The following KIAA1217 variants were observed in gnomAD, a reference collection of about 807,000 sequenced individuals.
The protein encoded by KIAA1217 is KIAA1217.
A neutral mutation model predicts 163.9 loss-of-function variants in KIAA1217; 88 were observed. The ratio of observed to expected loss-of-function variants is 0.54; its 90% CI spans 0.45 to 0.64. The LOEUF (loss-of-function observed/expected upper bound fraction) is 0.64. Ranked by LOEUF, KIAA1217 falls within the 30% of genes least tolerant of loss-of-function variation. The pLI is 0.00. For synonymous variants in KIAA1217, 903 were observed against 923.1 expected (o/e 0.98, Z 0.39); for missense variants, 2,372 against 2,475.0 (o/e 0.96, Z 0.88).
intron 1 of KIAA1217, among the ~76,000 whole-genome samples, chr10:23,941,215 ATAT>A (rs907495848): frequency 6.6e-6 from 1 of 152,236 alleles, no homozygotes; most frequent in African/African-American, 2.4e-5. Flanking sequence ...AATTTTTAAA[ATAT>A]TATCTACAGA....
chr10:24,265,640 T>A (rs1285483446), intron 2 of KIAA1217, among the ~76,000 whole-genome samples: 1 of 152,108 alleles, frequency 6.6e-6, no homozygotes, highest in African/African-American at 2.4e-5. Flanking sequence ...ATGTGGACAT[T>A]TTCTCTCTCC....
chr10:24,231,218 G>C lies in KIAA1217; in HGVS notation c.354+11309G>C, dbSNP rs574482969. On this transcript the variant is annotated intron_variant, in intron 2 of 20. Coordinates refer to ENST00000376454, the MANE Select transcript of KIAA1217 (RefSeq NM_019590.5). ...TCCCAGCTACTTGGGAGGCTGAGCT[G>C]GGGGGATCATCCATGCCCAGAGGTC... Among the ~76,000 whole-genome samples the C allele has an allele frequency of 7.9e-5, 12 of 152,246 alleles. No individual in the cohort carries two copies. The South Asian group carries it at 2.5e-3, about 32-fold the overall frequency.
chr10:24,361,795 G>T (rs2050043299), intron 2 of KIAA1217, among the ~76,000 whole-genome samples: 1 of 151,972 alleles, frequency 6.6e-6, no homozygotes, highest in African/African-American at 2.4e-5. Flanking sequence ...CTAACATGGT[G>T]AAACCCCGTC....
intron 2 of KIAA1217, among the ~76,000 whole-genome samples, chr10:24,028,002 G>A (rs1364576695): frequency 4.6e-5 from 7 of 152,082 alleles, no homozygotes; most frequent in Admixed American, 3.3e-4. Context: ...AGGTAATGAT[G>A]AGGAATACAT....
chr10:24,031,456 C>T (rs527661353), intron 2 of KIAA1217, among the ~76,000 whole-genome samples: 2 of 152,194 alleles, frequency 1.3e-5, no homozygotes, highest in South Asian at 2.1e-4. Context: ...TATGCCACCA[C>T]ATCCAGCTAA....
At chr10:24,374,463 TAAAAAC>T (rs2052168577) in intron 2 of KIAA1217, among the ~76,000 whole-genome samples, 1 of 152,186 alleles carries the variant, frequency 6.6e-6, no homozygotes, top group Non-Finnish European at 1.5e-5. Flanking sequence ...AGGTTTCTAT[TAAAAAC>T]AAAAGCTGCT....
chr10:24,113,053 AC>A (rs2062917828), intron 2 of KIAA1217, among the ~76,000 whole-genome samples: 1 of 152,132 alleles, frequency 6.6e-6, no homozygotes. Flanking sequence ...GGAGGAACCT[AC>A]CATGACACAC....
At chr10:24,224,972 G>A (rs549901684) in intron 2 of KIAA1217, among the ~76,000 whole-genome samples, 49 of 151,644 alleles carry the variant, frequency 3.2e-4, no homozygotes, top group African/African-American at 8.0e-4. Context: ...GACTACAGGC[G>A]CCCACCACCA....
intron 1 of KIAA1217, among the ~76,000 whole-genome samples, chr10:23,996,823 T>A (rs972570165): frequency 6.6e-6 from 1 of 152,114 alleles, no homozygotes; most frequent in Non-Finnish European, 1.5e-5. Flanking sequence ...TTCAAAAGAA[T>A]GAAGAGAGAT....
intron 3 of KIAA1217, among the ~76,000 whole-genome samples, chr10:24,409,997 C>CTTTTTTTTT (rs71397947): frequency 1.0e-4 from 13 of 123,870 alleles, no homozygotes; most frequent in African/African-American, 2.5e-4. Flanking sequence ...TTTCTTTTTT[C>CTTTTTTTTT]TTTTTTTTTT....
chr10:24,167,284 CGTGTGTGT>C (rs35255558), intron 2 of KIAA1217, among the ~76,000 whole-genome samples: 3,053 of 148,282 alleles, frequency 0.021, 35 homozygotes, highest in Middle Eastern at 0.068. Context: ...TGTGTATGTG[CGTGTGTGT>C]GTGTGTGTGT....
Position 23,875,117 on chromosome 10 carries a change from T to C in KIAA1217, c.-320-132108T>C, listed in dbSNP as rs116812726. On this transcript the variant is annotated intron_variant, in intron 1 of 18. Coordinates refer to the KIAA1217 transcript ENST00000376462. The stretch of plus-strand genomic sequence containing the variant: ...TTACTGCAAGGAGGGCACCAAGCCA[T>C]TGATGAGGGATGAGCTTCCATGACC... Among the ~76,000 whole-genome samples, 773 of 152,106 alleles carry C rather than the reference T, an allele frequency of 5.1e-3. 7 individuals are homozygous for C. The highest frequency in any genetic ancestry group is 0.018 in the African/African-American group (751 of 41,526).
intron 1 of KIAA1217, among the ~76,000 whole-genome samples, chr10:23,886,357 G>C (rs1029143982): frequency 2.6e-5 from 4 of 151,902 alleles, no homozygotes; most frequent in African/African-American, 9.7e-5. Flanking sequence ...TGTCTCCAGT[G>C]TCCACGTATG....
At chr10:24,060,915 T>C (rs1019188703) in intron 2 of KIAA1217, among the ~76,000 whole-genome samples, 9 of 152,200 alleles carry the variant, frequency 5.9e-5, no homozygotes, top group African/African-American at 1.7e-4. Flanking sequence ...AGAATGTGTA[T>C]TCTGCTGCTA....
chr10:24,400,487 G>A (rs535157713), intron 3 of KIAA1217, among the ~76,000 whole-genome samples: 3 of 152,290 alleles, frequency 2.0e-5, no homozygotes, highest in African/African-American at 7.2e-5. Context: ...GATAAAGGGA[G>A]CATAACAAAT....
chr10:23,986,944 C>T (rs990071523), intron 1 of KIAA1217, among the ~76,000 whole-genome samples: 3 of 152,014 alleles, frequency 2.0e-5, no homozygotes, highest in Non-Finnish European at 2.9e-5. Context: ...ACCCTGAGTG[C>T]CCTGAGAAAT....
At chr10:24,194,819 TGGTCTCTC>T (rs1485746995) in intron 2 of KIAA1217, among the ~76,000 whole-genome samples, 3 of 146,062 alleles carry the variant, frequency 2.1e-5, no homozygotes, top group Non-Finnish European at 3.0e-5. Flanking sequence ...TTAGTCAGGC[TGGTCTCTC>T]AAACTCCTGA....
chr10:23,778,213 T>C (rs961210438), intron 1 of KIAA1217, among the ~76,000 whole-genome samples: 1 of 152,340 alleles, frequency 6.6e-6, no homozygotes, highest in Non-Finnish European at 1.5e-5. Context: ...GTGTTGGGAT[T>C]ACAGGTGTGA....
intron 2 of KIAA1217, among the ~76,000 whole-genome samples, chr10:24,099,099 C>T (rs1245337444): frequency 2.0e-5 from 3 of 152,048 alleles, no homozygotes; most frequent in Admixed American, 2.0e-4. Context: ...CTTGTTTGGG[C>T]AAATCCATTT....
Sources: allele counts gnomAD v4.1 joint callset (sites outside exome capture counted in the v4.1 genomes callset), GRCh38; gene constraint gnomAD v4.1.1; transcripts MANE v1.5; gene names NCBI Gene and HGNC (gene_info 2026-07-23, HGNC 2026-07-21).